BLTP1: variants seen among roughly 807,000 people sequenced by gnomAD.
The protein encoded by BLTP1 is fragile site-associated protein.
chr4:122,221,232 A>G, the BLTP1 span: 1 of 170,484 alleles, frequency 5.9e-6, no homozygotes, highest in Non-Finnish European at 1.2e-5. Context: ...TTAAAATAGC[A>G]TATCTCCTTT....
chr4:122,256,227 A>C, the BLTP1 span: 1 of 949,578 alleles, frequency 1.1e-6, no homozygotes, highest in South Asian at 4.9e-5. Context: ...AAGAATCTCT[A>C]GTAAGTGTTG....
chr4:122,315,683 C>T, the BLTP1 span: 4 of 1,613,864 alleles, frequency 2.5e-6, no homozygotes, highest in Non-Finnish European at 3.4e-6. Context: ...TCCCACTATC[C>T]ATACTGTAAG....
chr4:122,185,428 T>C, the BLTP1 span: 3 of 985,394 alleles, frequency 3.0e-6, no homozygotes, highest in Non-Finnish European at 3.6e-6. Context: ...TGCATTGTTT[T>C]AGATTATTTC....
At chr4:122,275,683 T>A in the BLTP1 span, among the ~76,000 whole-genome samples, 1 of 152,132 alleles carries the variant, frequency 6.6e-6, no homozygotes, top group Non-Finnish European at 1.5e-5. Context: ...TATTTCTTGC[T>A]CTTTTTTCCC....
chr4:122,312,763 A>G, the BLTP1 span: 1 of 726,180 alleles, frequency 1.4e-6, no homozygotes, highest in Non-Finnish European at 1.7e-6. Flanking sequence ...TTTCAAAGAC[A>G]GAAATGTAAT....
At chr4:122,278,306 T>G in the BLTP1 span, among the ~76,000 whole-genome samples, 2 of 152,208 alleles carry the variant, frequency 1.3e-5, no homozygotes. Flanking sequence ...TTTTTCACAT[T>G]ATTAACTGAA....
chr4:122,288,699 A>G, the BLTP1 span: 1 of 405,228 alleles, frequency 2.5e-6, no homozygotes. Context: ...AAATAAATCT[A>G]TTTTTACTTA....
the BLTP1 span, chr4:122,239,944 A>T: frequency 6.2e-7 from 1 of 1,614,074 alleles, no homozygotes; most frequent in Non-Finnish European, 8.5e-7. Flanking sequence ...AAGAAGAAAA[A>T]GCAAACCCAG....
chr4:122,192,127 A>G, the BLTP1 span: 27 of 1,271,646 alleles, frequency 2.1e-5, no homozygotes, highest in East Asian at 6.8e-4. Context: ...TAAGAGTGTA[A>G]AGGTTTCCTG....
chr4:122,241,746 C>A, the BLTP1 span, among the ~76,000 whole-genome samples: 1 of 152,242 alleles, frequency 6.6e-6, no homozygotes, highest in East Asian at 1.9e-4. Context: ...TTCAAAATGT[C>A]CTTTTTAGTA....
chr4:122,197,135 T>C, the BLTP1 span: 1 of 805,524 alleles, frequency 1.2e-6, no homozygotes, highest in South Asian at 2.1e-5. Context: ...AACTGAAAAG[T>C]AAAGATGGGA....
chr4:122,316,716 A>G, the BLTP1 span: 1 of 1,599,516 alleles, frequency 6.3e-7, no homozygotes, highest in Non-Finnish European at 8.5e-7. Context: ...TGACAGATAC[A>G]CTTTTGACTT....
At chr4:122,333,838 A>G in the BLTP1 span, 382 of 1,584,468 alleles carry the variant, frequency 2.4e-4, no homozygotes, top group African/African-American at 1.4e-3. Flanking sequence ...AGGGTAAGGG[A>G]TTAGACTATT....
At chr4:122,269,519 C>T in the BLTP1 span, 2 of 985,082 alleles carry the variant, frequency 2.0e-6, no homozygotes, top group Admixed American at 6.2e-5. Flanking sequence ...TCATGATCAG[C>T]TTTTATTTCT....
the BLTP1 span, chr4:122,349,494 C>G: frequency 1.3e-6 from 2 of 1,599,026 alleles, no homozygotes; most frequent in East Asian, 4.5e-5. This position sits in a 1 kb window ranked among gnomAD's most constrained non-coding sequence, Gnocchi z 4.5. Flanking sequence ...TCACAAAATT[C>G]AGATTACTAT....
the BLTP1 span, chr4:122,336,592 C>T: frequency 2.5e-6 from 1 of 393,438 alleles, no homozygotes; most frequent in Non-Finnish European, 2.8e-6. Context: ...ACAAAATTAA[C>T]ATAAGTTCTA....
the BLTP1 span, chr4:122,210,835 T>G: frequency 6.3e-7 from 1 of 1,584,778 alleles, no homozygotes; most frequent in Non-Finnish European, 8.6e-7. Context: ...CCAAGAAGTC[T>G]TTTGTCCCCC....
chr4:122,336,726 C>T, the BLTP1 span: 18 of 863,720 alleles, frequency 2.1e-5, no homozygotes, highest in African/African-American at 2.4e-4. Context: ...GCAAGAGGTG[C>T]GAACAGGGAA....
the BLTP1 span, chr4:122,183,558 A>G: frequency 2.0e-6 from 2 of 977,950 alleles, no homozygotes; most frequent in Non-Finnish European, 2.4e-6. Context: ...TTTGGGCCCC[A>G]GTTAACAAGG....
Sources: allele counts gnomAD v4.1 joint callset (sites outside exome capture counted in the v4.1 genomes callset), GRCh38; gene constraint gnomAD v4.1.1; non-coding constraint Gnocchi (gnomAD v3.1); transcripts MANE v1.5; gene names NCBI Gene and HGNC (gene_info 2026-07-23, HGNC 2026-07-21).